MGAT5: variants seen among roughly 807,000 people sequenced by gnomAD.
The protein encoded by MGAT5 is alpha-1,6-mannosylglycoprotein 6-beta-N-acetylglucosaminyltransferase.
In MGAT5, 30 loss-of-function variants were observed where a neutral mutation model predicts 94.3. That is an observed-to-expected ratio of 0.32 (90% CI 0.24 to 0.43). MGAT5 has a LOEUF of 0.43. Ranked by LOEUF, MGAT5 falls within the 20% of genes least tolerant of loss-of-function variation. The probability of loss-of-function intolerance (pLI) is 1.00; values close to 1 mark genes in which losing one functional copy is unlikely to be tolerated. For synonymous variants in MGAT5, 310 were observed against 322.9 expected (o/e 0.96, Z 0.43); for missense variants, 691 against 905.5 (o/e 0.76, Z 3.04).
At chr2:134,349,197 G>A (rs956108112) in intron 8 of MGAT5, among the ~76,000 whole-genome samples, 10 of 152,120 alleles carry the variant, frequency 6.6e-5, no homozygotes, top group African/African-American at 2.4e-4. Context: ...GGCTTTGGTG[G>A]AATAGTAAAC....
At chr2:134,134,352 G>A (rs1222934515) in intron 1 of MGAT5, among the ~76,000 whole-genome samples, 1 of 152,112 alleles carries the variant, frequency 6.6e-6, no homozygotes, top group Non-Finnish European at 1.5e-5. Context: ...CTCACATTAG[G>A]AACACAGGAA....
chr2:134,409,220 A>G (rs11892363), intron 11 of MGAT5, among the ~76,000 whole-genome samples: 1 of 152,174 alleles, frequency 6.6e-6, no homozygotes, highest in African/African-American at 2.4e-5. Context: ...CTTGGAATGA[A>G]TCCTTTCCAT....
intron 1 of MGAT5, among the ~76,000 whole-genome samples, chr2:134,182,362 A>G (rs766612209): frequency 8.5e-5 from 13 of 152,158 alleles, no homozygotes; most frequent in Non-Finnish European, 1.6e-4. Flanking sequence ...ATAAAACAAT[A>G]TGTTATTTCT....
At chr2:134,327,743 A>G (rs1245035144) in intron 4 of MGAT5, among the ~76,000 whole-genome samples, 1 of 152,150 alleles carries the variant, frequency 6.6e-6, no homozygotes, top group Non-Finnish European at 1.5e-5. Flanking sequence ...ATGCTCTGTA[A>G]TATTATGAGA....
At chr2:134,269,944 CTT>C (rs1387911972) in intron 1 of MGAT5, among the ~76,000 whole-genome samples, 3 of 152,188 alleles carry the variant, frequency 2.0e-5, no homozygotes, top group African/African-American at 4.8e-5. Context: ...GAATTAAACA[CTT>C]TTTAAAAAAC....
At chr2:134,401,159 C>A (rs1383045149) in intron 10 of MGAT5, among the ~76,000 whole-genome samples, 1 of 151,956 alleles carries the variant, frequency 6.6e-6, no homozygotes, top group African/African-American at 2.4e-5. Flanking sequence ...CTCTTGGGTC[C>A]CTCTTATGAC....
At chr2:134,121,720 AACAT>A (rs1368880879) in intron 1 of MGAT5, among the ~76,000 whole-genome samples, 2 of 152,190 alleles carry the variant, frequency 1.3e-5, no homozygotes, top group African/African-American at 4.8e-5. Flanking sequence ...CGCACTTGTA[AACAT>A]ACCCAGACCA....
At chr2:134,387,654 G>A (rs1364387573) in intron 10 of MGAT5, among the ~76,000 whole-genome samples, 1 of 151,986 alleles carries the variant, frequency 6.6e-6, no homozygotes, top group Non-Finnish European at 1.5e-5. Flanking sequence ...AAAACACCTA[G>A]CAAGCTCTTG....
chr2:134,149,858 G>C (rs771370343), intron 1 of MGAT5, among the ~76,000 whole-genome samples: 1 of 152,240 alleles, frequency 6.6e-6, no homozygotes, highest in Non-Finnish European at 1.5e-5. Context: ...CTGGAGTGCA[G>C]TGAGACCTGG....
At chr2:134,160,164 T>A (rs1433282096) in intron 1 of MGAT5, among the ~76,000 whole-genome samples, 1 of 150,336 alleles carries the variant, frequency 6.7e-6, no homozygotes, top group Non-Finnish European at 1.5e-5. Flanking sequence ...TTCCACTTTT[T>A]AATTTTTTTA....
intron 1 of MGAT5, 148 bp downstream of exon 1, chr2:134,254,792 A>C: frequency 8.7e-7 from 1 of 1,149,850 alleles, no homozygotes; most frequent in Non-Finnish European, 1.2e-6. Context: ...AGGCATCTTT[A>C]GGAAATTAAA....
chr2:134,265,860 G>T (rs1004635452), intron 1 of MGAT5, among the ~76,000 whole-genome samples: 4 of 151,938 alleles, frequency 2.6e-5, no homozygotes, highest in Admixed American at 6.6e-5. Flanking sequence ...TGAACAAAAG[G>T]GTTACCATTA....
chr2:134,201,679 A>G (rs1404247797), intron 1 of MGAT5, among the ~76,000 whole-genome samples: 5 of 152,122 alleles, frequency 3.3e-5, no homozygotes. Context: ...TGTTATTGTC[A>G]AGTGAGGTAA....
At chr2:134,363,109 T>A (rs72980016) in intron 10 of MGAT5, among the ~76,000 whole-genome samples, 11,088 of 152,256 alleles carry the variant, frequency 0.073, 1,291 homozygotes, top group African/African-American at 0.24. Flanking sequence ...GTCTGCCTCA[T>A]TGGCCAAATG....
intron 1 of MGAT5, among the ~76,000 whole-genome samples, chr2:134,263,186 C>A (rs1018400503): frequency 3.3e-5 from 5 of 152,146 alleles, no homozygotes; most frequent in Admixed American, 2.0e-4. Context: ...TCTCTGATTC[C>A]TTATCTTTTC....
chr2:134,133,786 G>A (rs537334338), intron 1 of MGAT5, among the ~76,000 whole-genome samples: 1 of 152,290 alleles, frequency 6.6e-6, no homozygotes, highest in African/African-American at 2.4e-5. Context: ...CTTGGCGGTT[G>A]TTGATTGGTC....
chr2:134,321,959 T>A (rs996013819), intron 4 of MGAT5, among the ~76,000 whole-genome samples: 1 of 152,140 alleles, frequency 6.6e-6, no homozygotes, highest in Non-Finnish European at 1.5e-5. Context: ...ATAAGTACCC[T>A]GTGAGAGTTG....
At chr2:134,154,959 G>A (rs1687406601) in intron 1 of MGAT5, among the ~76,000 whole-genome samples, 1 of 152,160 alleles carries the variant, frequency 6.6e-6, no homozygotes, top group South Asian at 2.1e-4. Flanking sequence ...ACAAAGAACA[G>A]ACTTTTTCAT....
At chr2:134,338,453 G>T (rs1424195654) in intron 6 of MGAT5, 33 bp downstream of exon 6, 2 of 1,550,380 alleles carry the variant, frequency 1.3e-6, no homozygotes, top group East Asian at 2.3e-5. Context: ...GCAGTTAGAT[G>T]CCAGCTTTCT....
Sources: allele counts gnomAD v4.1 joint callset (sites outside exome capture counted in the v4.1 genomes callset), GRCh38; gene constraint gnomAD v4.1.1; transcripts MANE v1.5; gene names NCBI Gene and HGNC (gene_info 2026-07-23, HGNC 2026-07-21).